The following NFIA variants were observed in gnomAD, a reference collection of about 807,000 sequenced individuals.
The protein encoded by NFIA is nuclear factor I A, also known as nuclear factor 1 A-type.
In NFIA, 8 loss-of-function variants were observed where a neutral mutation model predicts 62.8. That is an observed-to-expected ratio of 0.13 (90% CI 0.07 to 0.23). The LOEUF (loss-of-function observed/expected upper bound fraction) is 0.23. NFIA is among the 10% of genes least tolerant of loss of function. The pLI is 1.00. For missense variants in NFIA, 410 were observed against 642.1 expected (o/e 0.64, Z 3.91); for synonymous variants, 235 against 238.1 (o/e 0.99, Z 0.12).
At chr1:61,286,245 G>A (rs1442317393) in intron 3 of NFIA, among the ~76,000 whole-genome samples, 1 of 151,060 alleles carries the variant, frequency 6.6e-6, no homozygotes, top group African/African-American at 2.4e-5. Flanking sequence ...GGCTAACACT[G>A]TGAAACCCTG....
intron 2 of NFIA, among the ~76,000 whole-genome samples, chr1:61,211,659 G>A (rs558158808): frequency 5.3e-5 from 8 of 152,094 alleles, no homozygotes; most frequent in Admixed American, 1.3e-4. Flanking sequence ...CACATATTCC[G>A]TCAATTAGAG....
intron 2 of NFIA, among the ~76,000 whole-genome samples, chr1:61,228,142 GT>G (rs934557409): frequency 2.0e-5 from 3 of 151,998 alleles, no homozygotes; most frequent in South Asian, 4.1e-4. Context: ...ATTTCTGAAG[GT>G]TTTTTTAAAC....
intron 3 of NFIA, among the ~76,000 whole-genome samples, chr1:61,302,328 TG>T (rs1659537845): frequency 6.6e-6 from 1 of 152,246 alleles, no homozygotes; most frequent in South Asian, 2.1e-4. Context: ...AAGAGGGTTT[TG>T]TTCTCCAAAT....
chr1:61,269,218 T>TA lies in NFIA; in HGVS notation c.560-8288dup, dbSNP rs879632480. ...TGTTCAACTCTTCACGTATAGAATTTAAAAAAAAAAAAAAGAATTGGTTAT... is the reference window on the plus strand; with the variant it reads ...TGTTCAACTCTTCACGTATAGAATTTAAAAAAAAAAAAAAAGAATTGGTTAT... On this transcript the variant is annotated intron_variant, in intron 2 of 10. Coordinates refer to ENST00000403491, the MANE Select transcript of NFIA (RefSeq NM_001134673.4). 3.7e-3 allele frequency among the ~76,000 whole-genome samples: 505 copies of TA among 138,268 alleles called. 4 individuals carry two copies. Among genetic ancestry groups the TA allele is most frequent in the Non-Finnish European group, 4.6e-3 (291 of 63,458 alleles). 90.7% of individuals were successfully genotyped at this position (138,268 alleles called of 152,430 possible).
chr1:61,258,410 T>A (rs111869624), intron 2 of NFIA, among the ~76,000 whole-genome samples: 313 of 152,284 alleles, frequency 2.1e-3, no homozygotes, highest in African/African-American at 7.2e-3. Context: ...CAAAAGGACT[T>A]TTTCATATTG....
intron 2 of NFIA, among the ~76,000 whole-genome samples, chr1:61,154,229 A>G (rs1247805971): frequency 6.6e-6 from 1 of 152,082 alleles, no homozygotes; most frequent in Non-Finnish European, 1.5e-5. Context: ...GCTCACTGCA[A>G]CCAAGTGAGC....
intron 3 of NFIA, among the ~76,000 whole-genome samples, chr1:61,302,240 C>G (rs533615097): frequency 3.3e-5 from 5 of 152,202 alleles, no homozygotes; most frequent in African/African-American, 1.2e-4. Context: ...CATATAGAAC[C>G]TATATGGAAT....
chr1:61,403,339 A>G (rs1474001685), intron 7 of NFIA, among the ~76,000 whole-genome samples: 1 of 152,146 alleles, frequency 6.6e-6, no homozygotes, highest in South Asian at 2.1e-4. Context: ...AAGTTTTTTT[A>G]ATCTAATGTA....
chr1:61,451,535 G>C (rs926770357), intron 10 of NFIA, among the ~76,000 whole-genome samples: 2 of 152,126 alleles, frequency 1.3e-5, no homozygotes, highest in African/African-American at 4.8e-5. Flanking sequence ...CATTGAAAGA[G>C]GACAGTCACC....
At chr1:61,187,960 G>C (rs991215467) in intron 2 of NFIA, among the ~76,000 whole-genome samples, 1 of 152,132 alleles carries the variant, frequency 6.6e-6, no homozygotes, top group African/African-American at 2.4e-5. Context: ...CCTCCTGCTT[G>C]AGGTGGACTC....
intron 2 of NFIA, among the ~76,000 whole-genome samples, chr1:61,223,443 A>T (rs74090327): frequency 0.064 from 9,726 of 152,096 alleles, 350 homozygotes; most frequent in Non-Finnish European, 0.071. Context: ...GAGACAAAAT[A>T]TGGATTTTGA....
intron 3 of NFIA, among the ~76,000 whole-genome samples, chr1:61,321,891 A>T (rs975479365): frequency 2.0e-5 from 3 of 152,192 alleles, no homozygotes; most frequent in Non-Finnish European, 4.4e-5. Flanking sequence ...CTTTCTTTCT[A>T]TGAAGTCATT....
intron 9 of NFIA, among the ~76,000 whole-genome samples, chr1:61,423,322 C>T (rs1265778509): frequency 6.6e-6 from 1 of 151,560 alleles, no homozygotes; most frequent in African/African-American, 2.4e-5. Context: ...TCATGTTTGC[C>T]ATAAGGATTC....
intron 3 of NFIA, among the ~76,000 whole-genome samples, chr1:61,318,437 A>C (rs1444919138): frequency 6.6e-6 from 1 of 152,158 alleles, no homozygotes; most frequent in African/African-American, 2.4e-5. Context: ...TTTATCATGT[A>C]TACCTGTCAC....
At chr1:61,278,595 CTGGCCAACA>C (rs549982523) in intron 3 of NFIA, among the ~76,000 whole-genome samples, 138 of 152,262 alleles carry the variant, frequency 9.1e-4, no homozygotes, top group African/African-American at 3.0e-3. Context: ...CAAGACCAGC[CTGGCCAACA>C]TGGTGAAATC....
At chr1:61,210,380 A>G (rs1268655511) in intron 2 of NFIA, among the ~76,000 whole-genome samples, 2 of 152,228 alleles carry the variant, frequency 1.3e-5, no homozygotes, top group Non-Finnish European at 2.9e-5. Context: ...TTCTTTGAAT[A>G]AATTCAGGCT....
intron 2 of NFIA, among the ~76,000 whole-genome samples, chr1:61,169,387 A>G (rs1649794865): frequency 6.6e-6 from 1 of 152,140 alleles, no homozygotes; most frequent in East Asian, 1.9e-4. Context: ...TTGTCCCCCC[A>G]AGGAATGCTC....
intron 9 of NFIA, among the ~76,000 whole-genome samples, chr1:61,408,314 G>C (rs888583244): frequency 2.0e-5 from 3 of 152,236 alleles, no homozygotes; most frequent in Admixed American, 6.5e-5. Context: ...TAGAAGGAAA[G>C]CCTCTGCTTC....
intron 2 of NFIA, among the ~76,000 whole-genome samples, chr1:61,219,966 TAAATA>T (rs1653918014): frequency 9.1e-6 from 1 of 109,906 alleles, no homozygotes; most frequent in Admixed American, 8.5e-5. Context: ...CGTCTCAAAA[TAAATA>T]AATAAATAAA....
Sources: allele counts gnomAD v4.1 joint callset (sites outside exome capture counted in the v4.1 genomes callset), GRCh38; gene constraint gnomAD v4.1.1; transcripts MANE v1.5; gene names NCBI Gene and HGNC (gene_info 2026-07-23, HGNC 2026-07-21).